Variants in ASIC2 observed in about 807,000 individuals in gnomAD.
ASIC2 encodes the protein acid sensing ion channel subunit 2.
ASIC2 carries 25 observed loss-of-function variants against 57.3 expected under a neutral mutation model. The ratio of observed to expected loss-of-function variants is 0.44; its 90% confidence interval spans 0.32 to 0.61. The LOEUF is 0.61. Ranked by LOEUF, ASIC2 falls within the 20% of genes least tolerant of loss-of-function variation. ASIC2 has a pLI of 0.06. For missense variants in ASIC2, 641 were observed against 738.1 expected, an observed-to-expected ratio of 0.87 and a Z score of 1.52; for synonymous variants, 319 against 307.5, an observed-to-expected ratio of 1.04 and a Z score of -0.39.
chr17:33,126,409 T>C (rs140442030), intron 1 of ASIC2, among the ~76,000 whole-genome samples: 3 of 152,196 alleles, frequency 2.0e-5, no homozygotes, highest in African/African-American at 7.2e-5. Flanking sequence ...GACTCTACTT[T>C]TTCATGTGTC....
chr17:33,831,366 A>G (rs1913105164), intron 1 of ASIC2, among the ~76,000 whole-genome samples: 6 of 151,888 alleles, frequency 4.0e-5, no homozygotes, highest in Admixed American at 3.9e-4. Flanking sequence ...TCTCTTGTGG[A>G]TTAAGTGTCC....
chr17:33,227,902 C>T (rs1233672529), intron 1 of ASIC2, among the ~76,000 whole-genome samples: 1 of 152,158 alleles, frequency 6.6e-6, no homozygotes, highest in Non-Finnish European at 1.5e-5. Context: ...GCATATGTGA[C>T]TCTCCGGGAA....
chr17:33,043,238 C>T (rs915341395), intron 3 of ASIC2, among the ~76,000 whole-genome samples: 6 of 152,202 alleles, frequency 3.9e-5, no homozygotes, highest in African/African-American at 9.7e-5. Context: ...CCCCGTTTTA[C>T]TGATGAGCAA....
intron 1 of ASIC2, among the ~76,000 whole-genome samples, chr17:33,497,111 T>A (rs112606182): frequency 6.6e-6 from 1 of 152,204 alleles, no homozygotes; most frequent in Non-Finnish European, 1.5e-5. Context: ...CTGCAAGTGT[T>A]AGAAACCCAA....
chr17:33,132,144 A>T (rs938735995), intron 1 of ASIC2, among the ~76,000 whole-genome samples: 4 of 152,184 alleles, frequency 2.6e-5, no homozygotes, highest in African/African-American at 7.2e-5. Context: ...ACCTCCTTCC[A>T]GCCACCTATT....
intron 1 of ASIC2, among the ~76,000 whole-genome samples, chr17:33,944,175 C>A (rs1031130333): frequency 6.6e-6 from 1 of 152,216 alleles, no homozygotes; most frequent in Non-Finnish European, 1.5e-5. Flanking sequence ...TTATTGACCA[C>A]TTCCACTCAA....
chr17:33,863,440 A>G (rs1168825624), intron 1 of ASIC2, among the ~76,000 whole-genome samples: 1 of 152,238 alleles, frequency 6.6e-6, no homozygotes, highest in Admixed American at 6.5e-5. Context: ...ACTGGGGAGC[A>G]CTGGACAGAA....
chr17:34,105,117 A>G (rs930595617), intron 1 of ASIC2, among the ~76,000 whole-genome samples: 1 of 152,026 alleles, frequency 6.6e-6, no homozygotes, highest in Non-Finnish European at 1.5e-5. Flanking sequence ...AATTTTTTTC[A>G]TGGGTATAGT....
chr17:34,077,533 A>C (rs2142075024), intron 1 of ASIC2, among the ~76,000 whole-genome samples: 1 of 152,246 alleles, frequency 6.6e-6, no homozygotes, highest in Admixed American at 6.5e-5. Flanking sequence ...CTTCCTGGAA[A>C]CGGTTACCAT....
At chr17:33,703,160 T>A (rs368162987) in intron 1 of ASIC2, among the ~76,000 whole-genome samples, 1 of 152,032 alleles carries the variant, frequency 6.6e-6, no homozygotes, top group Non-Finnish European at 1.5e-5. Flanking sequence ...GTTTGAAGAA[T>A]GGAAAGAACC....
chr17:33,886,013 G>C (rs1246265144), intron 1 of ASIC2, among the ~76,000 whole-genome samples: 1 of 152,152 alleles, frequency 6.6e-6, no homozygotes, highest in Admixed American at 6.5e-5. Context: ...AGACAGCAAG[G>C]CAATAAATGT....
intron 1 of ASIC2, chr17:34,038,183 G>A: frequency 1.2e-6 from 2 of 1,612,542 alleles, no homozygotes; most frequent in Non-Finnish European, 1.7e-6. Context: ...TATGATGGGA[G>A]GTTTTATTTC....
chr17:33,893,139 G>A (rs8080337), intron 1 of ASIC2, among the ~76,000 whole-genome samples: 24,196 of 152,182 alleles, frequency 0.16, 1,987 homozygotes, highest in African/African-American at 0.21. Context: ...TAACTGGCTG[G>A]GTACCCAGGA....
chr17:33,383,194 A>G (rs1424061005), intron 1 of ASIC2, among the ~76,000 whole-genome samples: 1 of 152,076 alleles, frequency 6.6e-6, no homozygotes, highest in Non-Finnish European at 1.5e-5. Flanking sequence ...CAATTTGAGT[A>G]CCCCTCTCTT....
At position 33,363,447 on chromosome 17, in the gene ASIC2, G is replaced by A. The variant is rs764647611; in HGVS notation, c.556-251380C>T. On this transcript the variant is annotated intron_variant, in intron 1 of 9. Transcript: ENST00000359872. The stretch of plus-strand genomic sequence containing the variant: ...AAAACTGAGATTTTATAAAACTGAG[G>A]TGACTCATAATGTAGAAAATCCTCC... 1.5e-4 allele frequency among the ~76,000 whole-genome samples: 23 copies of A among 152,210 alleles called. 1 individual carries two copies. The highest frequency in any genetic ancestry group is 2.6e-4 in the Non-Finnish European group (18 of 68,046).
intron 1 of ASIC2, among the ~76,000 whole-genome samples, chr17:33,797,636 G>T (rs1911957804): frequency 6.6e-6 from 1 of 152,196 alleles, no homozygotes; most frequent in Non-Finnish European, 1.5e-5. Flanking sequence ...TGGTCCAACA[G>T]ATATTTTATT....
intron 3 of ASIC2, among the ~76,000 whole-genome samples, chr17:33,032,065 C>T (rs1190541843): frequency 6.6e-6 from 1 of 152,134 alleles, no homozygotes; most frequent in Non-Finnish European, 1.5e-5. Flanking sequence ...GTCTGACAAC[C>T]TCTCTGCCTT....
At chr17:33,269,235 C>T (rs1380640911) in intron 1 of ASIC2, among the ~76,000 whole-genome samples, 1 of 152,184 alleles carries the variant, frequency 6.6e-6, no homozygotes, top group East Asian at 1.9e-4. Flanking sequence ...CCAGATCCTA[C>T]ACTCACACAT....
At chr17:33,269,393 C>T (rs947526766) in intron 1 of ASIC2, among the ~76,000 whole-genome samples, 4 of 152,214 alleles carry the variant, frequency 2.6e-5, no homozygotes, top group Middle Eastern at 3.4e-3. Flanking sequence ...GGTGTCCCAT[C>T]GGGGGGAAAC....
Sources: allele counts gnomAD v4.1 joint callset (sites outside exome capture counted in the v4.1 genomes callset), GRCh38; gene constraint gnomAD v4.1.1; transcripts MANE v1.5; gene names NCBI Gene and HGNC (gene_info 2026-07-23, HGNC 2026-07-21).